The following GRM5 variants were observed in gnomAD, a reference collection of about 807,000 sequenced individuals.
GRM5 encodes metabotropic glutamate receptor 5.
A neutral mutation model predicts 83.1 loss-of-function variants in GRM5; 19 were observed. That is an observed-to-expected ratio of 0.23 (90% confidence interval 0.16 to 0.34). The LOEUF (loss-of-function observed/expected upper bound fraction) is 0.34. Among genes scored for constraint, GRM5 ranks in the 10% least tolerant of loss-of-function variants. The pLI is 1.00. For missense variants in GRM5, 1,160 were observed against 1,588.3 expected (o/e 0.73, Z 4.58); for synonymous variants, 675 against 633.6 (o/e 1.07, Z -0.98).
chr11:89,027,892 C>A (rs1017150934), intron 2 of GRM5, among the ~76,000 whole-genome samples: 5 of 152,142 alleles, frequency 3.3e-5, no homozygotes, highest in East Asian at 1.9e-4. Context: ...ACAGGTGGGA[C>A]TTTGGGAGGT....
chr11:88,536,264 T>TTACACACACAA (rs1455269150), intron 8 of GRM5, among the ~76,000 whole-genome samples: 118 of 152,328 alleles, frequency 7.7e-4, no homozygotes, highest in South Asian at 1.7e-3. Flanking sequence ...GTAATTTGAA[T>TTACACACACAA]AAGAAGGTGT....
chr11:89,041,837 TA>T lies in GRM5; in HGVS notation c.661+5374del, dbSNP rs552634319. 6.6e-5 allele frequency among the ~76,000 whole-genome samples: 10 copies of T among 152,354 alleles called. No homozygotes were observed. In the East Asian group the frequency reaches 1.7e-3, roughly 26 times the overall value. ...AAGTTTCTGCATCTTCTAAATTGTA[TA>T]TATTGTTAAGTCAGTGGTAACCAAT... On this transcript the variant is annotated intron_variant, in intron 2 of 9. Transcript: ENST00000305447.
At chr11:88,713,958 G>C (rs2135387140) in intron 3 of GRM5, among the ~76,000 whole-genome samples, 1 of 152,080 alleles carries the variant, frequency 6.6e-6, no homozygotes, top group Admixed American at 6.6e-5. Context: ...GCAGAAACAA[G>C]ATTGACACTT....
At chr11:88,834,815 T>C (rs557642343) in intron 3 of GRM5, among the ~76,000 whole-genome samples, 1 of 152,270 alleles carries the variant, frequency 6.6e-6, no homozygotes, top group African/African-American at 2.4e-5. Flanking sequence ...GAGGGTGTCC[T>C]AGGGAGTCAC....
intron 3 of GRM5, among the ~76,000 whole-genome samples, chr11:88,739,142 A>C (rs371542859): frequency 6.6e-6 from 1 of 152,190 alleles, no homozygotes; most frequent in African/African-American, 2.4e-5. Context: ...TATAAATCCT[A>C]TGTTTGCTTT....
intron 3 of GRM5, among the ~76,000 whole-genome samples, chr11:88,708,927 C>T (rs1263473503): frequency 1.3e-5 from 2 of 152,030 alleles, no homozygotes; most frequent in African/African-American, 2.4e-5. Flanking sequence ...AGTGATTAAA[C>T]ACTTGTCGGC....
chr11:88,840,926 G>T (rs559396838), intron 3 of GRM5, among the ~76,000 whole-genome samples: 4 of 152,142 alleles, frequency 2.6e-5, no homozygotes, highest in Non-Finnish European at 5.9e-5. Context: ...ACAAAGTGCC[G>T]ATGGAAACAA....
At chr11:88,983,819 T>C (rs1939603858) in intron 2 of GRM5, among the ~76,000 whole-genome samples, 1 of 152,084 alleles carries the variant, frequency 6.6e-6, no homozygotes, top group Non-Finnish European at 1.5e-5. Context: ...ATGCACATTA[T>C]TGCCCCTAAA....
At chr11:88,673,978 G>A (rs1453015266) in intron 3 of GRM5, among the ~76,000 whole-genome samples, 15 of 151,736 alleles carry the variant, frequency 9.9e-5, no homozygotes, top group African/African-American at 1.5e-4. Context: ...ATGTGAGGGT[G>A]AAGCTTAGAC....
chr11:88,871,206 C>T (rs1944762020), intron 2 of GRM5, among the ~76,000 whole-genome samples: 1 of 151,516 alleles, frequency 6.6e-6, no homozygotes, highest in East Asian at 1.9e-4. Context: ...AAATATTATC[C>T]TCATTTCCCA....
chr11:88,993,623 T>C (rs1487754751), intron 2 of GRM5, among the ~76,000 whole-genome samples: 1 of 152,190 alleles, frequency 6.6e-6, no homozygotes, highest in Non-Finnish European at 1.5e-5. Flanking sequence ...AAAGGTAATG[T>C]AATATTATAT....
chr11:88,989,850 G>A (rs1325691872), intron 2 of GRM5, among the ~76,000 whole-genome samples: 14 of 151,814 alleles, frequency 9.2e-5, no homozygotes, highest in South Asian at 4.2e-4. Context: ...TCTCTGGGAC[G>A]CATTCAAAGC....
intron 2 of GRM5, among the ~76,000 whole-genome samples, chr11:88,971,231 C>T (rs894666511): frequency 3.3e-5 from 5 of 152,126 alleles, no homozygotes; most frequent in Admixed American, 6.6e-5. Flanking sequence ...TATAGATATA[C>T]ACATATGTGC....
At chr11:88,970,488 T>C (rs1418344694) in intron 2 of GRM5, among the ~76,000 whole-genome samples, 1 of 152,194 alleles carries the variant, frequency 6.6e-6, no homozygotes, top group African/African-American at 2.4e-5. Flanking sequence ...TGGCCTCAAG[T>C]AGCTAAAAAG....
intron 8 of GRM5, among the ~76,000 whole-genome samples, chr11:88,551,472 A>G (rs1338538964): frequency 6.6e-6 from 1 of 152,032 alleles, no homozygotes; most frequent in Non-Finnish European, 1.5e-5. Flanking sequence ...TGACATATTA[A>G]TTTTCCCTGA....
At chr11:88,705,106 C>T (rs1251479778) in intron 3 of GRM5, among the ~76,000 whole-genome samples, 1 of 152,036 alleles carries the variant, frequency 6.6e-6, no homozygotes, top group Non-Finnish European at 1.5e-5. Flanking sequence ...AGACAGTTAA[C>T]ACAATAATTA....
intron 2 of GRM5, among the ~76,000 whole-genome samples, chr11:88,993,349 A>G (rs1940059689): frequency 6.6e-6 from 1 of 151,470 alleles, no homozygotes; most frequent in Non-Finnish European, 1.5e-5. Context: ...GTTATTGAGG[A>G]GACTTTTCTT....
chr11:88,716,681 C>T (rs930300047), intron 3 of GRM5, among the ~76,000 whole-genome samples: 2 of 151,896 alleles, frequency 1.3e-5, no homozygotes, highest in Non-Finnish European at 2.9e-5. Context: ...CCATTTAATG[C>T]TTAAATTTAC....
rs1394917738 is a variant in GRM5, at chr11:88,977,444, CTTGTGA to C, written c.661+69762_661+69767del. 3.9e-5 allele frequency among the ~76,000 whole-genome samples: 6 copies of C among 152,082 alleles called. No homozygotes were observed. The East Asian group carries it at 1.2e-3, about 29-fold the overall frequency. Reference sequence around the variant, plus strand: ...GCCAGGATGGTCTCGATCTCCTGACCTTGTGATCCGCCCACCTCGGCCTCCCAAAGT... The same window carrying C: ...GCCAGGATGGTCTCGATCTCCTGACCTCCGCCCACCTCGGCCTCCCAAAGT... On this transcript the variant is annotated intron_variant, in intron 2 of 9. Coordinates refer to ENST00000305447, the MANE Select transcript of GRM5 (RefSeq NM_001143831.3).
Sources: allele counts gnomAD v4.1 joint callset (sites outside exome capture counted in the v4.1 genomes callset), GRCh38; gene constraint gnomAD v4.1.1; transcripts MANE v1.5; gene names NCBI Gene and HGNC (gene_info 2026-07-23, HGNC 2026-07-21).